Variants in CD2AP observed in about 807,000 individuals in gnomAD.
The protein encoded by CD2AP is CD2-associated protein.
In CD2AP, 46 loss-of-function variants were observed where a neutral mutation model predicts 85.1. The ratio of observed to expected loss-of-function variants is 0.54; its 90% CI spans 0.43 to 0.69. The LOEUF is 0.69. Among genes scored for constraint, CD2AP ranks in the 30% least tolerant of loss-of-function variants. The pLI is 0.00. For synonymous variants in CD2AP, 255 were observed against 252.9 expected (o/e 1.01, Z -0.08); for missense variants, 769 against 729.5 (o/e 1.05, Z -0.62).
chr6:47,564,041 C>T (rs912820626), intron 5 of CD2AP, among the ~76,000 whole-genome samples: 1 of 152,088 alleles, frequency 6.6e-6, no homozygotes, highest in Non-Finnish European at 1.5e-5. Context: ...AGGAATCATA[C>T]CAACTAGATG....
chr6:47,481,469 C>T (rs1289155278), intron 1 of CD2AP, among the ~76,000 whole-genome samples: 2 of 152,134 alleles, frequency 1.3e-5, no homozygotes, highest in Non-Finnish European at 2.9e-5. Flanking sequence ...TCTCATCCTC[C>T]TCAGTAGCTG....
intron 2 of CD2AP, among the ~76,000 whole-genome samples, chr6:47,526,631 A>G (rs866204400): frequency 6.6e-6 from 1 of 152,182 alleles, no homozygotes; most frequent in South Asian, 2.1e-4. Context: ...TTTACAGCAA[A>G]TGAACACAAT....
intron 1 of CD2AP, among the ~76,000 whole-genome samples, chr6:47,490,637 T>C (rs1000113981): frequency 6.6e-6 from 1 of 152,180 alleles, no homozygotes; most frequent in Admixed American, 6.5e-5. Flanking sequence ...AATCAGTCTT[T>C]GAGATAAAAA....
intron 15 of CD2AP, among the ~76,000 whole-genome samples, chr6:47,608,691 T>G (rs1461583057): frequency 6.6e-6 from 1 of 152,188 alleles, no homozygotes; most frequent in Non-Finnish European, 1.5e-5. Context: ...GGTGTCAGGC[T>G]ATGGACTCAT....
rs1214454341 is a variant in CD2AP at position 47,596,031 on chromosome 6, G to T, written c.1274+5G>T. ...TCCACCACCTCCTATAGCCAAGTAA[G>T]TTTTACCTAATTTTAAATTAGCTTA... is the stretch of plus-strand genomic sequence containing the variant. On this transcript the variant is annotated splice_donor_5th_base_variant and intron_variant, in intron 12 of 17. Transcript: ENST00000359314. The T allele has an allele frequency of 1.2e-6, 2 of 1,607,826 alleles. No homozygotes were observed. Among genetic ancestry groups the T allele is most frequent in the East Asian group, 2.2e-5 (1 of 44,794 alleles).
intron 5 of CD2AP, among the ~76,000 whole-genome samples, chr6:47,555,359 G>A (rs534728467): frequency 6.6e-6 from 1 of 151,624 alleles, no homozygotes; most frequent in Non-Finnish European, 1.5e-5. Flanking sequence ...AGTTTTTTTT[G>A]TTTTCCAAAA....
At chr6:47,585,128 C>T (rs1016164711) in intron 11 of CD2AP, among the ~76,000 whole-genome samples, 5 of 150,312 alleles carry the variant, frequency 3.3e-5, no homozygotes, top group African/African-American at 1.2e-4. Context: ...CCCGTCTCTA[C>T]TAAAAATAAA....
chr6:47,527,934 T>C (rs143059600), intron 2 of CD2AP, among the ~76,000 whole-genome samples: 104 of 152,374 alleles, frequency 6.8e-4, no homozygotes, highest in African/African-American at 2.3e-3. Context: ...TTCATACCTG[T>C]AAATATATAT....
At chr6:47,544,741 T>A in intron 4 of CD2AP, 35 bp downstream of exon 4, 1 of 1,160,160 alleles carries the variant, frequency 8.6e-7, no homozygotes, top group Non-Finnish European at 1.3e-6. Context: ...AAAACAGTAA[T>A]GGTAATTGAT....
intron 10 of CD2AP, 81 bp from the exon 11 acceptor site, chr6:47,581,922 C>T (rs1768491744): frequency 2.3e-6 from 2 of 887,448 alleles, no homozygotes; most frequent in African/African-American, 3.3e-5. Context: ...TTTTTCAACT[C>T]ATCTTTACTT....
chr6:47,513,676 T>C (rs1214765112), intron 2 of CD2AP, among the ~76,000 whole-genome samples: 1 of 152,110 alleles, frequency 6.6e-6, no homozygotes, highest in African/African-American at 2.4e-5. Flanking sequence ...TTTTTGGATA[T>C]TTAGGACTTT....
chr6:47,579,557 A>G, intron 9 of CD2AP, 68 bp downstream of exon 9: 1 of 994,388 alleles, frequency 1.0e-6, no homozygotes, highest in Non-Finnish European at 1.6e-6. Flanking sequence ...TTTGCAAACA[A>G]GTTTTTTTGC....
chr6:47,580,240 C>T (rs150809624), intron 9 of CD2AP, among the ~76,000 whole-genome samples: 12 of 152,254 alleles, frequency 7.9e-5, no homozygotes, highest in African/African-American at 2.6e-4. Flanking sequence ...TATGTTTGTA[C>T]ATTACGGCTT....
intron 12 of CD2AP, among the ~76,000 whole-genome samples, chr6:47,598,845 C>T (rs1769025312): frequency 6.7e-6 from 1 of 150,202 alleles, no homozygotes; most frequent in African/African-American, 2.4e-5. Context: ...TTAGAAATCA[C>T]CACTAAAGAG....
chr6:47,519,697 C>T (rs943037771), intron 2 of CD2AP, among the ~76,000 whole-genome samples: 2 of 152,280 alleles, frequency 1.3e-5, no homozygotes, highest in Middle Eastern at 6.8e-3. Context: ...TGCTCAAGAA[C>T]TGCCCATTCA....
At chr6:47,530,155 T>G (rs1766835308) in intron 2 of CD2AP, among the ~76,000 whole-genome samples, 1 of 152,230 alleles carries the variant, frequency 6.6e-6, no homozygotes, top group Non-Finnish European at 1.5e-5. Flanking sequence ...TGTTAGGCAT[T>G]TGGTGTTTTC....
intron 17 of CD2AP, among the ~76,000 whole-genome samples, chr6:47,622,771 C>T (rs1456462203): frequency 6.6e-6 from 1 of 152,180 alleles, no homozygotes; most frequent in Non-Finnish European, 1.5e-5. Context: ...TTTGTTCTTG[C>T]AGTCGGTCTG....
chr6:47,576,573 C>G lies in CD2AP; in HGVS notation c.779C>G (p.Thr260Arg), dbSNP rs1386833385. 6.2e-7 allele frequency: 1 copy of G among 1,612,162 alleles called. No homozygotes were observed. Among genetic ancestry groups the G allele is most frequent in the South Asian group, 1.1e-5 (1 of 91,044 alleles). ...LGPKTQSVEI[T>R]KTDTEGKIKA... ...CCCAAAACTCAGAGTGTGGAGATAA[C>G]AAAAACAGATACCGAAGGTAAAATT... The change falls in exon 7 of 18, where the codon ACA becomes AGA. Residue 260 changes from threonine to arginine, a missense_variant. Transcript: ENST00000359314.
chr6:47,611,190 A>G (rs1015791788), intron 16 of CD2AP, among the ~76,000 whole-genome samples: 1 of 151,232 alleles, frequency 6.6e-6, no homozygotes, highest in African/African-American at 2.4e-5. Flanking sequence ...CAACATCAAT[A>G]TGAATTAATC....
Sources: gnomAD v4.1 joint callset for allele counts (sites outside exome capture counted in the v4.1 genomes callset) on GRCh38, gnomAD v4.1.1 for gene constraint, MANE v1.5 for transcripts, NCBI Gene and HGNC (gene_info 2026-07-23, HGNC 2026-07-21) for gene names.